Variants in ILRUN observed in about 807,000 individuals in gnomAD.
The protein encoded by ILRUN is inflammation and lipid regulator with UBA-like and NBR1-like domains.
Under a neutral mutation model 33.8 loss-of-function variants are expected in ILRUN, and 3 were observed. That is an observed-to-expected ratio of 0.09 (90% confidence interval 0.04 to 0.23). The LOEUF (loss-of-function observed/expected upper bound fraction) is 0.23. Ranked by LOEUF, ILRUN falls within the 10% of genes least tolerant of loss-of-function variation. The pLI is 1.00. For synonymous variants in ILRUN, 124 were observed against 138.9 expected (o/e 0.89, Z 0.75); for missense variants, 210 against 375.1 (o/e 0.56, Z 3.64).
chr6:34,596,096 T>C (rs1486025418), intron 4 of ILRUN: 1 of 181,942 alleles, frequency 5.5e-6, no homozygotes, highest in Non-Finnish European at 1.1e-5. Flanking sequence ...AACCCATTAG[T>C]CTCTCATTAA....
At chr6:34,690,908 A>G (rs1227707891) in intron 1 of ILRUN, among the ~76,000 whole-genome samples, 1 of 152,230 alleles carries the variant, frequency 6.6e-6, no homozygotes, top group South Asian at 2.1e-4. Flanking sequence ...GCAAATCTAC[A>G]GGAAAAGTTG....
intron 2 of ILRUN, among the ~76,000 whole-genome samples, chr6:34,650,714 G>C (rs1169907816): frequency 6.6e-6 from 1 of 152,048 alleles, no homozygotes; most frequent in African/African-American, 2.4e-5. Flanking sequence ...GCCTCCCAAA[G>C]TAGTGGGATT....
intron 1 of ILRUN, among the ~76,000 whole-genome samples, chr6:34,670,921 C>T (rs1283746624): frequency 6.6e-6 from 1 of 150,890 alleles, no homozygotes; most frequent in African/African-American, 2.4e-5. Flanking sequence ...CTTCTAATTG[C>T]AGATTACCTA....
chr6:34,614,775 T>C (rs768658390), intron 3 of ILRUN, among the ~76,000 whole-genome samples: 14 of 152,092 alleles, frequency 9.2e-5, no homozygotes, highest in Non-Finnish European at 1.8e-4. Flanking sequence ...TGATCAAGGT[T>C]AGCATCACCA....
intron 3 of ILRUN, among the ~76,000 whole-genome samples, chr6:34,622,748 TA>T: frequency 6.6e-6 from 1 of 152,272 alleles, no homozygotes; most frequent in South Asian, 2.1e-4. Flanking sequence ...TACCTCTAGG[TA>T]TATAAACTAA....
intron 2 of ILRUN, among the ~76,000 whole-genome samples, chr6:34,650,521 C>T (rs1762644018): frequency 6.6e-6 from 1 of 151,902 alleles, no homozygotes; most frequent in Non-Finnish European, 1.5e-5. Context: ...ACCTCCACCT[C>T]CCAGGTTCAT....
chr6:34,678,573 C>T (rs1482223293), intron 1 of ILRUN, among the ~76,000 whole-genome samples: 3 of 151,460 alleles, frequency 2.0e-5, no homozygotes, highest in African/African-American at 7.3e-5. Flanking sequence ...TTCAGCCAGG[C>T]GAGGTGGCTC....
intron 3 of ILRUN, among the ~76,000 whole-genome samples, chr6:34,627,774 G>A (rs963118706): frequency 1.3e-5 from 2 of 150,504 alleles, no homozygotes; most frequent in African/African-American, 4.9e-5. Flanking sequence ...CGTGATCTCG[G>A]CTCACCACAA....
At chr6:34,598,580 T>C (rs192769970) in intron 4 of ILRUN, among the ~76,000 whole-genome samples, 1 of 152,166 alleles carries the variant, frequency 6.6e-6, no homozygotes, top group South Asian at 2.1e-4. Context: ...TTGGGAACAT[T>C]AGCTCTGCTT....
At chr6:34,608,320 G>C (rs1317347375) in intron 3 of ILRUN, among the ~76,000 whole-genome samples, 1 of 151,904 alleles carries the variant, frequency 6.6e-6, no homozygotes, top group Non-Finnish European at 1.5e-5. Flanking sequence ...CTTGAGCCTG[G>C]GAGGTGGAGC....
intron 1 of ILRUN, 126 bp from the exon 2 acceptor site, chr6:34,654,905 C>CT: frequency 1.4e-6 from 1 of 739,314 alleles, no homozygotes; most frequent in Non-Finnish European, 2.0e-6. Flanking sequence ...GTATACACGT[C>CT]TTTAAAGCCT....
chr6:34,640,972 G>A (rs577570853), intron 3 of ILRUN, among the ~76,000 whole-genome samples: 3 of 150,998 alleles, frequency 2.0e-5, no homozygotes, highest in African/African-American at 7.3e-5. Context: ...CCAGCTACTC[G>A]GGAGCCTGAG....
rs1372442739 is a variant in ILRUN at position 34,587,594 on chromosome 6, C to T, written c.*2971G>A. On this transcript the variant is annotated 3_prime_UTR_variant, in exon 5 of 5. Transcript: ENST00000374023. The stretch of plus-strand genomic sequence containing the variant: ...TTGAATTTGGGGAGGTATTTATTCT[C>T]ATGCCCATTTCCCACCATGGCCACC... 6.5e-6 allele frequency: 1 copy of T among 153,858 alleles called. No individual in the cohort carries two copies. Among genetic ancestry groups the T allele is most frequent in the African/African-American group, 2.4e-5 (1 of 41,484 alleles). The allele number at this position is 153,858 out of a possible 1,614,324, so 9.5% of individuals were successfully genotyped here. A position where few individuals can be genotyped will look rare whatever the true frequency, so the allele number is the denominator to read the frequency against.
intron 1 of ILRUN, among the ~76,000 whole-genome samples, chr6:34,695,289 C>A (rs1216141064): frequency 1.3e-5 from 2 of 152,094 alleles, no homozygotes; most frequent in Non-Finnish European, 2.9e-5. Context: ...GACTGAATGC[C>A]CAACAGAGCA....
At chr6:34,657,353 T>C (rs767438703) in intron 1 of ILRUN, among the ~76,000 whole-genome samples, 7 of 152,150 alleles carry the variant, frequency 4.6e-5, no homozygotes, top group Non-Finnish European at 1.0e-4. Context: ...GCCATCAGGA[T>C]AGGACTTTAA....
At chr6:34,612,433 A>G (rs937046831) in intron 3 of ILRUN, among the ~76,000 whole-genome samples, 1 of 151,958 alleles carries the variant, frequency 6.6e-6, no homozygotes, top group Non-Finnish European at 1.5e-5. Context: ...AATAATAAAA[A>G]TAAAAAGCAC....
intron 3 of ILRUN, among the ~76,000 whole-genome samples, chr6:34,628,032 G>T (rs1467149661): frequency 6.6e-6 from 1 of 151,806 alleles, no homozygotes; most frequent in Non-Finnish European, 1.5e-5. Context: ...TTTTGAGATG[G>T]AGTCTCACTC....
At position 34,592,515 on chromosome 6, in the gene ILRUN, G is replaced by GA. The variant is rs1373549944; in HGVS notation, c.862-1916_862-1915insT. Among the ~76,000 whole-genome samples, 28 of 150,306 alleles carry GA rather than the reference G, an allele frequency of 1.9e-4. No individual in the cohort carries two copies. The highest frequency in any genetic ancestry group is 7.0e-4 in the African/African-American group (28 of 39,860). On this transcript the variant is annotated intron_variant, in intron 4 of 4. Coordinates refer to ENST00000374023, the MANE Select transcript of ILRUN (RefSeq NM_024294.4). The surrounding 1 kb of genome is among the most constrained non-coding windows in gnomAD (Gnocchi z 4.0). ...AGATTCCATTTTGCAAGTCCTGGTA[G>GA]GGGGGGTCCCATACATCAGAGGTAT... is the stretch of plus-strand genomic sequence containing the variant.
chr6:34,598,330 C>T (rs1472197562), intron 4 of ILRUN, among the ~76,000 whole-genome samples: 1 of 152,210 alleles, frequency 6.6e-6, no homozygotes. Context: ...CTTAACCTTA[C>T]ATTTTGTTCT....
Sources: allele counts gnomAD v4.1 joint callset (sites outside exome capture counted in the v4.1 genomes callset), GRCh38; gene constraint gnomAD v4.1.1; non-coding constraint Gnocchi (gnomAD v3.1); transcripts MANE v1.5; gene names NCBI Gene and HGNC (gene_info 2026-07-23, HGNC 2026-07-21).